The following PHACTR1 variants were observed in gnomAD, a reference collection of about 807,000 sequenced individuals.
PHACTR1 encodes the protein RPEL repeat containing 1.
A neutral mutation model predicts 69.2 loss-of-function variants in PHACTR1; 16 were observed. The ratio of observed to expected loss-of-function variants is 0.23; its 90% confidence interval spans 0.16 to 0.35. The LOEUF is 0.35. Ranked by LOEUF, PHACTR1 falls within the 10% of genes least tolerant of loss-of-function variation. PHACTR1 has a pLI of 1.00. For synonymous variants in PHACTR1, 312 were observed against 284.5 expected (o/e 1.10, Z -0.97); for missense variants, 510 against 734.7 (o/e 0.69, Z 3.54).
chr6:12,955,807 T>G (rs1039195275), intron 4 of PHACTR1, among the ~76,000 whole-genome samples: 1 of 152,222 alleles, frequency 6.6e-6, no homozygotes, highest in Admixed American at 6.5e-5. Flanking sequence ...TCTATCTGGG[T>G]TTTCCTCTGC....
At chr6:12,794,808 G>A (rs1310411397) in intron 4 of PHACTR1, among the ~76,000 whole-genome samples, 1 of 152,156 alleles carries the variant, frequency 6.6e-6, no homozygotes, top group Non-Finnish European at 1.5e-5. Flanking sequence ...AGAGTAAGTG[G>A]TGTGAGTGTG....
chr6:13,107,139 A>G (rs947693890), intron 5 of PHACTR1, among the ~76,000 whole-genome samples: 12 of 151,990 alleles, frequency 7.9e-5, no homozygotes, highest in African/African-American at 2.4e-4. Context: ...CTCTTTCCAG[A>G]CAGACTCTTG....
intron 4 of PHACTR1, among the ~76,000 whole-genome samples, chr6:12,865,457 G>GGTGT (rs34729979): frequency 6.7e-5 from 10 of 150,044 alleles, no homozygotes; most frequent in African/African-American, 1.5e-4. Flanking sequence ...TTGTTTAATG[G>GGTGT]GTGTGTGTGT....
At chr6:12,973,296 ATTAT>A (rs1487220125) in intron 4 of PHACTR1, among the ~76,000 whole-genome samples, 1 of 152,138 alleles carries the variant, frequency 6.6e-6, no homozygotes, top group Non-Finnish European at 1.5e-5. Context: ...AAATAATATT[ATTAT>A]TTATTTGCCT....
chr6:12,843,555 G>A (rs929796691), intron 4 of PHACTR1, among the ~76,000 whole-genome samples: 1 of 152,204 alleles, frequency 6.6e-6, no homozygotes, highest in African/African-American at 2.4e-5. Flanking sequence ...GAGCAAACCA[G>A]TTGCTTGAAA....
intron 5 of PHACTR1, among the ~76,000 whole-genome samples, chr6:13,091,540 G>A (rs1425240246): frequency 6.6e-6 from 1 of 152,138 alleles, no homozygotes; most frequent in Admixed American, 6.5e-5. Context: ...CCAAATGGGG[G>A]TAGCAGATGG....
chr6:13,146,650 G>C (rs1194695071), intron 5 of PHACTR1, among the ~76,000 whole-genome samples: 2 of 152,338 alleles, frequency 1.3e-5, no homozygotes, highest in African/African-American at 2.4e-5. Flanking sequence ...ACAGGTGGTA[G>C]CTGGGATATT....
chr6:13,189,237 C>G (rs2113763738), intron 7 of PHACTR1, among the ~76,000 whole-genome samples: 1 of 152,244 alleles, frequency 6.6e-6, no homozygotes, highest in East Asian at 1.9e-4. Context: ...TCATTATTAC[C>G]TCTTTTCACA....
intron 3 of PHACTR1, among the ~76,000 whole-genome samples, chr6:12,726,291 C>T (rs1246874427): frequency 1.3e-5 from 2 of 152,080 alleles, no homozygotes; most frequent in Non-Finnish European, 2.9e-5. Flanking sequence ...TTTCATTCTG[C>T]CTAAAAGCAG....
intron 5 of PHACTR1, among the ~76,000 whole-genome samples, chr6:13,141,729 T>TC (rs1310709272): frequency 2.0e-5 from 3 of 150,214 alleles, no homozygotes; most frequent in African/African-American, 4.9e-5. Context: ...TCTTTCTTTT[T>TC]TTTTTTTTTT....
At chr6:12,781,487 C>T (rs1043838767) in intron 4 of PHACTR1, among the ~76,000 whole-genome samples, 5 of 152,212 alleles carry the variant, frequency 3.3e-5, no homozygotes, top group East Asian at 1.9e-4. Context: ...TGGGCCTACA[C>T]GGGCTCTAGG....
intron 4 of PHACTR1, among the ~76,000 whole-genome samples, chr6:12,798,364 A>G (rs527761187): frequency 1.4e-3 from 209 of 151,902 alleles, no homozygotes; most frequent in African/African-American, 4.7e-3. Flanking sequence ...CTTGAGGGGT[A>G]GAGATTACAA....
At chr6:13,094,788 C>T (rs1813892025) in intron 5 of PHACTR1, among the ~76,000 whole-genome samples, 1 of 152,084 alleles carries the variant, frequency 6.6e-6, no homozygotes, top group South Asian at 2.1e-4. Flanking sequence ...ATATATTACA[C>T]TAATATAATA....
At chr6:13,033,324 G>T (rs1802754204) in intron 4 of PHACTR1, among the ~76,000 whole-genome samples, 1 of 152,138 alleles carries the variant, frequency 6.6e-6, no homozygotes, top group South Asian at 2.1e-4. Flanking sequence ...CCAAACTGTA[G>T]ACATGCATCT....
chr6:13,271,314 G>A (rs1474313143), intron 10 of PHACTR1, among the ~76,000 whole-genome samples: 1 of 152,142 alleles, frequency 6.6e-6, no homozygotes, highest in African/African-American at 2.4e-5. Flanking sequence ...CTCCCCCCGA[G>A]CAATGGGGAT....
rs115625807 is a variant in PHACTR1, at chr6:13,216,528, G to A, written c.986+10392G>A. On this transcript the variant is annotated intron_variant, in intron 8 of 14. Coordinates refer to ENST00000332995, the MANE Select transcript of PHACTR1 (RefSeq NM_030948.6). ...GTGTTTCTTCATGACATAACAAATG[G>A]CCTACATTGTTAAATGAAATATGTT... Among the ~76,000 whole-genome samples the A allele has an allele frequency of 7.2e-3, 1,091 of 152,244 alleles. 13 individuals are homozygous for A. The highest frequency in any genetic ancestry group is 0.025 in the African/African-American group (1,037 of 41,540).
intron 4 of PHACTR1, among the ~76,000 whole-genome samples, chr6:13,048,522 T>TGTGTGTGTGTG (rs1805430823): frequency 7.0e-6 from 1 of 142,882 alleles, no homozygotes; most frequent in South Asian, 2.3e-4. Context: ...TTCCATTTCT[T>TGTGTGTGTGTG]TGTGTGTGTG....
rs899686151 is a variant in PHACTR1 at position 13,173,100 on chromosome 6, A to C, written c.497-9419A>C. ...TGTCTGCCTCAAATCCTGACAGTGC[A>C]CAGAGACTTTTAAACACAAACACAC... On this transcript the variant is annotated intron_variant, in intron 6 of 14. Transcript: ENST00000332995. Among the ~76,000 whole-genome samples, 6 of 152,258 alleles carry C rather than the reference A, an allele frequency of 3.9e-5. No homozygotes were observed. The East Asian group carries it at 9.6e-4, about 24-fold the overall frequency.
intron 4 of PHACTR1, among the ~76,000 whole-genome samples, chr6:12,896,967 T>C (rs1365092044): frequency 6.6e-6 from 1 of 152,212 alleles, no homozygotes; most frequent in Non-Finnish European, 1.5e-5. Flanking sequence ...AAGCTCCCAG[T>C]ATGCCTTCTT....
Sources: allele counts gnomAD v4.1 joint callset (sites outside exome capture counted in the v4.1 genomes callset), GRCh38; gene constraint gnomAD v4.1.1; transcripts MANE v1.5; gene names NCBI Gene and HGNC (gene_info 2026-07-23, HGNC 2026-07-21).